The following SIGLEC6 variants were observed in gnomAD, a reference collection of about 807,000 sequenced individuals.
SIGLEC6 encodes the protein sialic acid binding Ig like lectin 6.
In SIGLEC6, 31 loss-of-function variants were observed where a neutral mutation model predicts 41.4. That is an observed-to-expected ratio of 0.75 (90% CI 0.56 to 1.01). The LOEUF (loss-of-function observed/expected upper bound fraction) is 1.01. Ranked by LOEUF, SIGLEC6 falls within the 50% of genes least tolerant of loss-of-function variation. The probability of loss-of-function intolerance (pLI) is 0.00; values close to 1 mark genes in which losing one functional copy is unlikely to be tolerated. For missense variants in SIGLEC6, 555 were observed against 558.6 expected, an observed-to-expected ratio of 0.99 and a Z score of 0.06; for synonymous variants, 217 against 231.0, an observed-to-expected ratio of 0.94 and a Z score of 0.55.
At chr19:51,528,066 C>A in intron 6 of SIGLEC6, 94 bp downstream of exon 6, 1 of 1,175,924 alleles carries the variant, frequency 8.5e-7, no homozygotes, top group South Asian at 1.3e-5. Context: ...TCCCAATCAC[C>A]CCATTTTCCT....
rs765144406 is a variant in SIGLEC6, at chr19:51,520,286, T to C, written c.1189-31A>G. 4.7e-6 allele frequency: 7 copies of C among 1,495,994 alleles called. No homozygotes were observed. The East Asian group carries it at 1.2e-4, about 25-fold the overall frequency. 92.7% of individuals were successfully genotyped at this position (1,495,994 alleles called of 1,614,324 possible). A position where few individuals can be genotyped will look rare whatever the true frequency, so the allele number is the denominator to read the frequency against. Reference sequence around the variant, plus strand: ...TGGAAGAAAAGAAAAGATTCAGGGCTGGACAATAGGTTCTCAAAGAAAGCA... The same window carrying C: ...TGGAAGAAAAGAAAAGATTCAGGGCCGGACAATAGGTTCTCAAAGAAAGCA... On this transcript the variant is annotated intron_variant, in intron 7 of 7. Transcript: ENST00000425629.
chr19:51,520,053 C>A lies in SIGLEC6; in HGVS notation c.*29G>T. On this transcript the variant is annotated 3_prime_UTR_variant, in exon 8 of 8. Transcript: ENST00000425629. ...ACACTGAGAGGTACCATGTTCTCTC[C>A]AATCAAGGTTATGGCTTTGGACAAT... 6.6e-7 allele frequency: 1 copy of A among 1,506,838 alleles called. No homozygotes were observed. Among genetic ancestry groups the A allele is most frequent in the South Asian group, 1.4e-5 (1 of 73,918 alleles). 93.3% of individuals were successfully genotyped at this position (1,506,838 alleles called of 1,614,324 possible). A position where few individuals can be genotyped will look rare whatever the true frequency, so the allele number is the denominator to read the frequency against.
At chr19:51,523,524 T>C (rs1013695579) in intron 7 of SIGLEC6, among the ~76,000 whole-genome samples, 2 of 152,234 alleles carry the variant, frequency 1.3e-5, no homozygotes, top group African/African-American at 2.4e-5. Flanking sequence ...CATAATCCTA[T>C]TGCTGAAAAC....
At position 51,531,569 on chromosome 19, in the gene SIGLEC6, C is replaced by T. The variant is rs201870085; in HGVS notation, c.67+13G>A. 1.4e-4 allele frequency: 220 copies of T among 1,613,978 alleles called. No homozygotes were observed. In the East Asian group the frequency reaches 3.7e-3, roughly 27 times the overall value. Reference sequence around the variant, plus strand: ...GGCCCAGCCCCACGGCACCTCTCCCCTGGCCCACTCACCTGCCCACAGCAG... The same window carrying T: ...GGCCCAGCCCCACGGCACCTCTCCCTTGGCCCACTCACCTGCCCACAGCAG... On this transcript the variant is annotated intron_variant, in intron 1 of 7. Transcript: ENST00000425629.
At chr19:51,523,210 T>C (rs1978593642) in intron 7 of SIGLEC6, among the ~76,000 whole-genome samples, 1 of 151,998 alleles carries the variant, frequency 6.6e-6, no homozygotes, top group African/African-American at 2.4e-5. Flanking sequence ...GAAAAGCTAA[T>C]AGCAGATTAG....
intron 6 of SIGLEC6, 92 bp from the exon 7 acceptor site, chr19:51,527,920 G>T: frequency 4.7e-6 from 6 of 1,272,822 alleles, no homozygotes; most frequent in Non-Finnish European, 6.7e-6. Flanking sequence ...GGAGAGTACA[G>T]AAGTAATTAA....
chr19:51,527,524 A>T (rs569015734), intron 7 of SIGLEC6, among the ~76,000 whole-genome samples: 1 of 152,276 alleles, frequency 6.6e-6, no homozygotes, highest in Non-Finnish European at 1.5e-5. Context: ...AATTAACTGG[A>T]GTACGTATTT....
intron 5 of SIGLEC6, 22 bp from the exon 6 acceptor site, chr19:51,528,275 A>G: frequency 6.3e-7 from 1 of 1,595,048 alleles, no homozygotes; most frequent in Non-Finnish European, 8.6e-7. Context: ...ATTTTAAGTG[A>G]ACTCCAGTTC....
rs1980213732 is a variant in SIGLEC6, at chr19:51,530,962, G to A, written c.428-3C>T. On this transcript the variant is annotated splice_region_variant and splice_polypyrimidine_tract_variant and intron_variant, in intron 2 of 7. Coordinates refer to ENST00000425629, the MANE Select transcript of SIGLEC6 (RefSeq NM_001245.7). The stretch of plus-strand genomic sequence containing the variant: ...GATGTTGGGCCTGTGGGTCAGGGCT[G>A]GTGAGGAGATGGGGACGCAGGATCA... The A allele has an allele frequency of 6.2e-7, 1 of 1,609,712 alleles. No individual in the cohort carries two copies. Among genetic ancestry groups the A allele is most frequent in the Middle Eastern group, 1.7e-4 (1 of 6,042 alleles).
chr19:51,526,837 A>G (rs1348561208), intron 7 of SIGLEC6, among the ~76,000 whole-genome samples: 1 of 152,208 alleles, frequency 6.6e-6, no homozygotes, highest in Non-Finnish European at 1.5e-5. Flanking sequence ...TGAAATAGCC[A>G]CCTTAAGAAA....
intron 7 of SIGLEC6, among the ~76,000 whole-genome samples, chr19:51,526,850 A>T (rs1600020001): frequency 6.6e-6 from 1 of 152,194 alleles, no homozygotes; most frequent in East Asian, 1.9e-4. Flanking sequence ...TTAAGAAAGA[A>T]CCAAACTGAG....
intron 7 of SIGLEC6, among the ~76,000 whole-genome samples, chr19:51,523,818 A>G (rs1978717320): frequency 6.6e-6 from 1 of 152,222 alleles, no homozygotes; most frequent in Non-Finnish European, 1.5e-5. Context: ...CAGGAGATGG[A>G]GACCATCCTG....
rs1169686091 is a variant in SIGLEC6 at position 51,519,154 on chromosome 19, G to A, written c.*928C>T. Among the ~76,000 whole-genome samples, 1 of 152,004 alleles carries A rather than the reference G, an allele frequency of 6.6e-6. No individual in the cohort carries two copies. Among genetic ancestry groups the A allele is most frequent in the Non-Finnish European group, 1.5e-5 (1 of 68,000 alleles). On this transcript the variant is annotated 3_prime_UTR_variant, in exon 8 of 8. Transcript: ENST00000425629. ...ACTAAAAATACAAAAAATTAGCCGG[G>A]TGTGGTGGTGGGTGCCTGTAGTCCC... is the stretch of plus-strand genomic sequence containing the variant.
chr19:51,529,079 A>G (rs1023671113), intron 5 of SIGLEC6, among the ~76,000 whole-genome samples: 1 of 151,206 alleles, frequency 6.6e-6, no homozygotes, highest in Non-Finnish European at 1.5e-5. Context: ...AGATTAAGTC[A>G]GAGGTCGAGG....
At chr19:51,520,577 A>G (rs1351027087) in intron 7 of SIGLEC6, among the ~76,000 whole-genome samples, 2 of 74,552 alleles carry the variant, frequency 2.7e-5, no homozygotes, top group Non-Finnish European at 5.1e-5. Context: ...GAGTTCTACT[A>G]TGTTGCCCAG....
Position 51,518,366 on chromosome 19 carries a change from G to A in SIGLEC6, c.*1716C>T, listed in dbSNP as rs1470900394. ...TTTGTTTTGCTTTTTCTGAGTTGGAGTCTCGCTCTGTTGCCCAGGCTGGAG... is the reference window on the plus strand; with the variant it reads ...TTTGTTTTGCTTTTTCTGAGTTGGAATCTCGCTCTGTTGCCCAGGCTGGAG... On this transcript the variant is annotated 3_prime_UTR_variant, in exon 8 of 8. Coordinates refer to ENST00000425629, the MANE Select transcript of SIGLEC6 (RefSeq NM_001245.7). Among the ~76,000 whole-genome samples the A allele has an allele frequency of 6.6e-6, 1 of 152,132 alleles. No homozygotes were observed. Among genetic ancestry groups the A allele is most frequent in the African/African-American group, 2.4e-5 (1 of 41,420 alleles).
intron 7 of SIGLEC6, among the ~76,000 whole-genome samples, chr19:51,523,376 T>C (rs1173243231): frequency 1.3e-5 from 2 of 152,092 alleles, no homozygotes; most frequent in Non-Finnish European, 2.9e-5. Context: ...GCAACTGGGA[T>C]CCCAGAAAGG....
At position 51,517,951 on chromosome 19, in the gene SIGLEC6, AC is replaced by A. The variant is rs1990656074; in HGVS notation, c.*2130del. 2.0e-5 allele frequency among the ~76,000 whole-genome samples: 3 copies of A among 152,176 alleles called. No individual in the cohort carries two copies. The highest frequency in any genetic ancestry group is 7.2e-5 in the African/African-American group (3 of 41,436). ...TATATAATATTGGTATTTCAATATT[AC>A]ATTTGATGTTTGACCCCTCTACAAA... On this transcript the variant is annotated 3_prime_UTR_variant, in exon 8 of 8. Coordinates refer to ENST00000425629, the MANE Select transcript of SIGLEC6 (RefSeq NM_001245.7).
chr19:51,529,588 C>T, intron 5 of SIGLEC6, 136 bp downstream of exon 5: 1 of 1,148,328 alleles, frequency 8.7e-7, no homozygotes, highest in Non-Finnish European at 1.2e-6. Flanking sequence ...CTCTAAGCCT[C>T]CCAGAGGTAG....
Sources: gnomAD v4.1 joint callset for allele counts (sites outside exome capture counted in the v4.1 genomes callset) on GRCh38, gnomAD v4.1.1 for gene constraint, MANE v1.5 for transcripts, NCBI Gene and HGNC (gene_info 2026-07-23, HGNC 2026-07-21) for gene names.